Variants in PLCD3 observed in about 807,000 individuals in gnomAD.
PLCD3 encodes 1-phosphatidylinositol 4,5-bisphosphate phosphodiesterase delta-3.
A neutral mutation model predicts 82.8 loss-of-function variants in PLCD3; 62 were observed. The observed-to-expected ratio is 0.75, with a 90% CI of 0.61 to 0.93. PLCD3 has a LOEUF of 0.93. PLCD3 is among the 40% of genes least tolerant of loss of function. The probability of loss-of-function intolerance (pLI) is 0.00; values close to 1 mark genes in which losing one functional copy is unlikely to be tolerated. For missense variants in PLCD3, 1,023 were observed against 1,103.4 expected, an observed-to-expected ratio of 0.93 and a Z score of 1.03; for synonymous variants, 478 against 471.8, an observed-to-expected ratio of 1.01 and a Z score of -0.17.
At chr17:45,117,636 A>C (rs2054301254) in intron 7 of PLCD3, among the ~76,000 whole-genome samples, 1 of 152,316 alleles carries the variant, frequency 6.6e-6, no homozygotes, top group Admixed American at 6.5e-5. Flanking sequence ...GCACACTGTG[A>C]CCAAAGTTGC....
intron 1 of PLCD3, among the ~76,000 whole-genome samples, chr17:45,127,060 C>T (rs2054387153): frequency 6.6e-6 from 1 of 152,198 alleles, no homozygotes; most frequent in Admixed American, 6.5e-5. Flanking sequence ...GGAGTCTGAC[C>T]CCAAAGGGCT....
chr17:45,122,450 C>T (rs914785716), intron 1 of PLCD3, among the ~76,000 whole-genome samples: 3 of 152,190 alleles, frequency 2.0e-5, no homozygotes, highest in Non-Finnish European at 4.4e-5. Context: ...GAATTCCATA[C>T]TGGTAGAAGC....
At chr17:45,116,824 C>A in intron 7 of PLCD3, 40 bp from the exon 8 acceptor site, 2 of 1,515,772 alleles carry the variant, frequency 1.3e-6, no homozygotes, top group South Asian at 1.3e-5. Flanking sequence ...CACTCCCCTC[C>A]CTCTGCCAGT....
At chr17:45,130,854 C>A (rs370746628) in intron 1 of PLCD3, among the ~76,000 whole-genome samples, 1 of 152,000 alleles carries the variant, frequency 6.6e-6, no homozygotes, top group Admixed American at 6.6e-5. Flanking sequence ...CCCTTTGCCA[C>A]TCCCGTCTTC....
chr17:45,118,693 G>T lies in PLCD3; in HGVS notation c.913+122C>A. 8.7e-7 allele frequency: 1 copy of T among 1,148,120 alleles called. No individual in the cohort carries two copies. Among genetic ancestry groups the T allele is most frequent in the Non-Finnish European group, 1.2e-6 (1 of 822,912 alleles). 71.1% of individuals were successfully genotyped at this position (1,148,120 alleles called of 1,614,324 possible). A position where few individuals can be genotyped will look rare whatever the true frequency, so the allele number is the denominator to read the frequency against. ...GTGCCATTTTACACATGTGGAAGCTGAGTCTGGAGGAGGTGAGGTAACCTG... is the reference window on the plus strand; with the variant it reads ...GTGCCATTTTACACATGTGGAAGCTTAGTCTGGAGGAGGTGAGGTAACCTG... On this transcript the variant is annotated intron_variant, in intron 5 of 14. Coordinates refer to ENST00000619929, the MANE Select transcript of PLCD3 (RefSeq NM_133373.5). The surrounding 1 kb of genome is among the most constrained non-coding windows in gnomAD (Gnocchi z 4.1).
intron 1 of PLCD3, among the ~76,000 whole-genome samples, chr17:45,124,474 C>G (rs1160421968): frequency 1.6e-5 from 2 of 125,578 alleles, no homozygotes; most frequent in Non-Finnish European, 3.6e-5. Flanking sequence ...CAGGCGGGGC[C>G]AGGTGCTGAG....
At chr17:45,114,421 G>GC in intron 10 of PLCD3, 55 bp from the exon 11 acceptor site, 1 of 1,409,066 alleles carries the variant, frequency 7.1e-7, no homozygotes, top group Non-Finnish European at 9.7e-7. Context: ...CTCACCCAAA[G>GC]CCCCGGCCTG....
chr17:45,120,442 G>A lies in PLCD3; in HGVS notation c.567C>T (p.Ser189=). The change falls in exon 4 of 15, where the codon TCC becomes TCT. Residue 189 remains serine, a synonymous_variant. Transcript: ENST00000619929. The stretch of plus-strand genomic sequence containing the variant: ...GGTTGGAGTCAGCCCGGTGCAGATA[G>A]GAGTGGATCCAGGTGTGGGTGCTCA... ...QRERLDHWIH[S]YLHRADSNQD... The A allele has an allele frequency of 6.2e-7, 1 of 1,613,986 alleles. No individual in the cohort carries two copies. Among genetic ancestry groups the A allele is most frequent in the Non-Finnish European group, 8.5e-7 (1 of 1,179,864 alleles).
chr17:45,125,282 G>C (rs2054372998), intron 1 of PLCD3, among the ~76,000 whole-genome samples: 1 of 151,490 alleles, frequency 6.6e-6, no homozygotes, highest in South Asian at 2.1e-4. Context: ...AACCAACATG[G>C]TGAAACCCTG....
rs1234726346 is a variant in PLCD3 at position 45,112,269 on chromosome 17, G to C, written c.*347C>G. ...GGATGGCCCACGGGAGGACAGAGGG[G>C]AACTGAGGGCCCACAAGTGTCCTGC... On this transcript the variant is annotated 3_prime_UTR_variant, in exon 15 of 15. Coordinates refer to ENST00000619929, the MANE Select transcript of PLCD3 (RefSeq NM_133373.5). 3 of 300,610 alleles carry C rather than the reference G, an allele frequency of 1.0e-5. No individual in the cohort carries two copies. In the East Asian group the frequency reaches 2.4e-4, roughly 24 times the overall value. 18.6% of individuals were successfully genotyped at this position (300,610 alleles called of 1,614,324 possible).
chr17:45,131,543 C>T (rs896675017), intron 1 of PLCD3, among the ~76,000 whole-genome samples: 2 of 152,240 alleles, frequency 1.3e-5, no homozygotes, highest in African/African-American at 2.4e-5. Flanking sequence ...AAATTCCTTG[C>T]CGTCTCTGAG....
intron 4 of PLCD3, among the ~76,000 whole-genome samples, chr17:45,119,847 TC>T (rs35795639): frequency 0.2 from 31,032 of 152,044 alleles, 3,363 homozygotes; most frequent in Middle Eastern, 0.33. Context: ...CACACAGAGG[TC>T]TGCCATGGGC....
Position 45,118,113 on chromosome 17 carries a change from C to A in PLCD3, c.1141G>T (p.Val381Leu). The change falls in exon 7 of 15, where the codon GTG (valine) becomes TTG (leucine). Residue 381 changes from valine (V) to leucine (L), a missense_variant. This residue lies in a region of PLCD3 where 553 missense variants were observed against 655.7 expected (regional missense o/e 0.84). Transcript: ENST00000619929. The surrounding 1 kb of genome is among the most constrained non-coding windows in gnomAD (Gnocchi z 4.1). Reference protein sequence around the residue: ...VRAFAQGCRCVELDCWEGPGG... With the variant: ...VRAFAQGCRCLELDCWEGPGG... ...GGCCCCTCCCAGCAGTCCAGCTCCACGCAGCGGCATCCCTGGGCAAAGGCC... is the reference window on the plus strand; with the variant it reads ...GGCCCCTCCCAGCAGTCCAGCTCCAAGCAGCGGCATCCCTGGGCAAAGGCC... 1.2e-6 allele frequency: 2 copies of A among 1,613,928 alleles called. No individual in the cohort carries two copies. Among genetic ancestry groups the A allele is most frequent in the Non-Finnish European group, 1.7e-6 (2 of 1,179,850 alleles).
Position 45,112,442 on chromosome 17 carries a change from G to T in PLCD3, c.*174C>A, listed in dbSNP as rs1315529805. The T allele has an allele frequency of 4.4e-6, 3 of 688,362 alleles. No individual in the cohort carries two copies. The East Asian group carries it at 8.2e-5, about 19-fold the overall frequency. 42.6% of individuals were successfully genotyped at this position (688,362 alleles called of 1,614,324 possible). A position where few individuals can be genotyped will look rare whatever the true frequency, so the allele number is the denominator to read the frequency against. ...AACACCTTTCTGTTCTTCAGGAGGG[G>T]CCCAGGCAGCCCTCAGCACCCAGGT... On this transcript the variant is annotated 3_prime_UTR_variant, in exon 15 of 15. Transcript: ENST00000619929.
intron 1 of PLCD3, among the ~76,000 whole-genome samples, chr17:45,131,724 C>A (rs1412039592): frequency 6.6e-6 from 1 of 152,238 alleles, no homozygotes; most frequent in African/African-American, 2.4e-5. Flanking sequence ...GAGGTGAGAG[C>A]CTTGGCTGTC....
At position 45,120,989 on chromosome 17, in the gene PLCD3, G is replaced by A. The variant is rs1406175496; in HGVS notation, c.467C>T (p.Thr156Met). ...RRKNLDLAAPTAEEAQRWVRG... is the reference protein window; with the variant it reads ...RRKNLDLAAPMAEEAQRWVRG... ...CACCCAGCGCTGCGCTTCCTCAGCCGTGGGCGCCGCCAGGTCCAGGTTCTT... is the reference window on the plus strand; with the variant it reads ...CACCCAGCGCTGCGCTTCCTCAGCCATGGGCGCCGCCAGGTCCAGGTTCTT... The change falls in exon 3 of 15, where the codon ACG becomes ATG. Residue 156 changes from threonine to methionine, a missense_variant. By Grantham distance (81) the Thr-to-Met change is moderately conservative. Transcript: ENST00000619929. 2 of 1,532,620 alleles carry A rather than the reference G, an allele frequency of 1.3e-6. No homozygotes were observed. Among genetic ancestry groups the A allele is most frequent in the African/African-American group, 1.4e-5 (1 of 71,942 alleles). 94.9% of individuals were successfully genotyped at this position (1,532,620 alleles called of 1,614,324 possible).
chr17:45,125,416 T>C (rs886917594), intron 1 of PLCD3, among the ~76,000 whole-genome samples: 3 of 152,240 alleles, frequency 2.0e-5, no homozygotes, highest in African/African-American at 7.2e-5. Context: ...CTGACCAACA[T>C]GGTGAAACCC....
rs113326444 is a variant in PLCD3, at chr17:45,122,490, C to T, written c.164-1118G>A. 2.9e-3 allele frequency among the ~76,000 whole-genome samples: 441 copies of T among 152,220 alleles called. 1 individual carries two copies. The highest frequency in any genetic ancestry group is 9.5e-3 in the African/African-American group (394 of 41,538). On this transcript the variant is annotated intron_variant, in intron 1 of 14. Transcript: ENST00000619929. ...TTGGGCTCTGGAGGTCGGGGTCCAG[C>T]GCCTCTGACCTTTGGCCCTGCACTG...
chr17:45,118,804 ACCC>A lies in PLCD3; in HGVS notation c.913+8_913+10del. 1.3e-6 allele frequency: 2 copies of A among 1,585,500 alleles called. No individual in the cohort carries two copies. The highest frequency in any genetic ancestry group is 1.7e-4 in the Middle Eastern group (1 of 5,740). ...TCAGGTGCCACGACCTGGCCGTGCC[ACCC>A]CCCCCACCTGTCTCGTTGAGCTCAT... is the stretch of plus-strand genomic sequence containing the variant. On this transcript the variant is annotated splice_region_variant and intron_variant, in intron 5 of 14. Coordinates refer to ENST00000619929, the MANE Select transcript of PLCD3 (RefSeq NM_133373.5). This position sits in a 1 kb window ranked among gnomAD's most constrained non-coding sequence, Gnocchi z 4.1.
Sources: gnomAD v4.1 joint callset for allele counts (sites outside exome capture counted in the v4.1 genomes callset) on GRCh38, gnomAD v4.1.1 for gene constraint, gnomAD v4.1.1 regional missense constraint, Gnocchi (gnomAD v3.1) non-coding constraint, MANE v1.5 for transcripts, NCBI Gene and HGNC (gene_info 2026-07-23, HGNC 2026-07-21) for gene names.